Variants in PDGFD observed in about 807,000 individuals in gnomAD.
The protein encoded by PDGFD is platelet derived growth factor D.
PDGFD carries 30 observed loss-of-function variants against 44.7 expected under a neutral mutation model. The observed-to-expected ratio is 0.67, with a 90% confidence interval of 0.50 to 0.91. The LOEUF (loss-of-function observed/expected upper bound fraction) is 0.91. Ranked by LOEUF, PDGFD falls within the 40% of genes least tolerant of loss-of-function variation. PDGFD has a pLI of 0.00. For missense variants in PDGFD, 445 were observed against 457.8 expected (o/e 0.97, Z 0.25); for synonymous variants, 173 against 168.4 (o/e 1.03, Z -0.21).
chr11:104,095,906 T>C (rs1226013865), intron 1 of PDGFD, among the ~76,000 whole-genome samples: 1 of 152,178 alleles, frequency 6.6e-6, no homozygotes, highest in African/African-American at 2.4e-5. Context: ...GATAAAAATG[T>C]GAGTTAGCTC....
intron 1 of PDGFD, among the ~76,000 whole-genome samples, chr11:104,041,913 CTTTCAGAATGCCAG>C (rs1169512093): frequency 6.6e-6 from 1 of 152,184 alleles, no homozygotes; most frequent in Non-Finnish European, 1.5e-5. Flanking sequence ...CATTGTGCTT[CTTTCAGAATGCCAG>C]TTATAAAAGG....
chr11:104,120,616 G>T (rs1861764640), intron 1 of PDGFD, among the ~76,000 whole-genome samples: 1 of 151,872 alleles, frequency 6.6e-6, no homozygotes, highest in African/African-American at 2.4e-5. Flanking sequence ...ACTATCTCGA[G>T]AATTTGATGG....
chr11:103,986,378 G>GA (rs1346827729), intron 3 of PDGFD, among the ~76,000 whole-genome samples: 1 of 152,124 alleles, frequency 6.6e-6, no homozygotes, highest in Non-Finnish European at 1.5e-5. Flanking sequence ...ATACCTGATT[G>GA]AAAAACTTAA....
At chr11:104,073,051 C>T (rs925271688) in intron 1 of PDGFD, among the ~76,000 whole-genome samples, 1 of 151,886 alleles carries the variant, frequency 6.6e-6, no homozygotes, top group Non-Finnish European at 1.5e-5. Flanking sequence ...CTTTTACAAA[C>T]ATTTGTACAT....
intron 1 of PDGFD, among the ~76,000 whole-genome samples, chr11:104,119,679 ATC>A (rs1861736340): frequency 1.2e-5 from 1 of 85,946 alleles, no homozygotes; most frequent in Non-Finnish European, 2.0e-5. Flanking sequence ...CGATATATAT[ATC>A]GATATATAAT....
intron 1 of PDGFD, among the ~76,000 whole-genome samples, chr11:104,121,246 T>G (rs1021720975): frequency 1.3e-5 from 2 of 152,060 alleles, no homozygotes; most frequent in Non-Finnish European, 2.9e-5. Context: ...ACACCTATAA[T>G]GTCCTTTCTA....
At chr11:104,097,863 GCTTC>G (rs1861308408) in intron 1 of PDGFD, among the ~76,000 whole-genome samples, 1 of 152,054 alleles carries the variant, frequency 6.6e-6, no homozygotes, top group South Asian at 2.1e-4. Context: ...CAACTATACT[GCTTC>G]CCTTAAGCAC....
intron 1 of PDGFD, among the ~76,000 whole-genome samples, chr11:104,066,228 T>G (rs1209438379): frequency 1.3e-5 from 2 of 152,152 alleles, no homozygotes; most frequent in East Asian, 3.8e-4. Context: ...CATGATTTGT[T>G]AAAATCACCA....
intron 1 of PDGFD, among the ~76,000 whole-genome samples, chr11:104,128,168 A>C (rs755196809): frequency 2.2e-5 from 3 of 135,740 alleles, no homozygotes; most frequent in African/African-American, 5.6e-5. Context: ...ACCCTGGACC[A>C]CCTGAGAAGG....
chr11:104,125,229 T>G (rs1245564402), intron 1 of PDGFD, among the ~76,000 whole-genome samples: 8 of 152,160 alleles, frequency 5.3e-5, no homozygotes, highest in Non-Finnish European at 5.9e-5. Flanking sequence ...CAGCACATGC[T>G]CTGGAGTCTG....
intron 1 of PDGFD, among the ~76,000 whole-genome samples, chr11:104,075,379 T>G (rs977856038): frequency 6.2e-5 from 5 of 80,374 alleles, no homozygotes; most frequent in Admixed American, 2.9e-4. Flanking sequence ...TTCTCAGTGT[T>G]TTTTTTTTTT....
At chr11:104,016,866 A>G (rs990691067) in intron 1 of PDGFD, among the ~76,000 whole-genome samples, 1 of 152,230 alleles carries the variant, frequency 6.6e-6, no homozygotes, top group African/African-American at 2.4e-5. Context: ...GCCATGTAGC[A>G]CTATTTAAGA....
intron 1 of PDGFD, among the ~76,000 whole-genome samples, chr11:104,082,545 C>T (rs995207639): frequency 5.9e-5 from 9 of 152,126 alleles, no homozygotes; most frequent in African/African-American, 2.2e-4. Context: ...TTAGTTCACT[C>T]ATTTCAAAGA....
At chr11:104,040,485 C>G (rs1860329737) in intron 1 of PDGFD, among the ~76,000 whole-genome samples, 1 of 151,982 alleles carries the variant, frequency 6.6e-6, no homozygotes, top group East Asian at 1.9e-4. Context: ...TCTGTGTATA[C>G]TTAAAAAGGT....
At chr11:103,937,056 G>A (rs1407445022) in intron 5 of PDGFD, among the ~76,000 whole-genome samples, 1 of 151,984 alleles carries the variant, frequency 6.6e-6, no homozygotes, top group African/African-American at 2.4e-5. Flanking sequence ...TCACTCCTGG[G>A]CTCAAGCGAT....
chr11:104,082,793 G>A (rs573243492), intron 1 of PDGFD, among the ~76,000 whole-genome samples: 9 of 152,010 alleles, frequency 5.9e-5, no homozygotes, highest in East Asian at 3.9e-4. Context: ...CACTACACCC[G>A]GCTAATATTT....
intron 1 of PDGFD, among the ~76,000 whole-genome samples, chr11:104,046,139 T>A (rs1014982840): frequency 2.0e-5 from 3 of 147,218 alleles, no homozygotes; most frequent in African/African-American, 7.4e-5. Flanking sequence ...CTCTGAAAGG[T>A]AAATAAAACA....
chr11:104,159,867 A>G (rs1394734279), intron 1 of PDGFD, among the ~76,000 whole-genome samples: 1 of 152,206 alleles, frequency 6.6e-6, no homozygotes, highest in East Asian at 1.9e-4. Flanking sequence ...ACACCTGGCT[A>G]AACCCTGCTC....
chr11:104,058,967 A>G (rs1440657403), intron 1 of PDGFD, among the ~76,000 whole-genome samples: 1 of 152,222 alleles, frequency 6.6e-6, no homozygotes, highest in Non-Finnish European at 1.5e-5. Context: ...GTATTGCCAG[A>G]GCATGAGGAT....
Sources: gnomAD v4.1 joint callset for allele counts (sites outside exome capture counted in the v4.1 genomes callset) on GRCh38, gnomAD v4.1.1 for gene constraint, MANE v1.5 for transcripts, NCBI Gene and HGNC (gene_info 2026-07-23, HGNC 2026-07-21) for gene names.